The following DPP10 variants were observed in gnomAD, a reference collection of about 807,000 sequenced individuals.
DPP10 encodes the protein inactive dipeptidyl peptidase 10.
Under a neutral mutation model 120.9 loss-of-function variants are expected in DPP10, and 33 were observed. That is an observed-to-expected ratio of 0.27 (90% CI 0.21 to 0.37). The LOEUF (loss-of-function observed/expected upper bound fraction) is 0.37. Ranked by LOEUF, DPP10 falls within the 10% of genes least tolerant of loss-of-function variation. The pLI is 1.00. For synonymous variants in DPP10, 337 were observed against 326.1 expected, an observed-to-expected ratio of 1.03 and a Z score of -0.36; for missense variants, 816 against 942.8, an observed-to-expected ratio of 0.87 and a Z score of 1.76.
intron 1 of DPP10, among the ~76,000 whole-genome samples, chr2:114,483,115 C>A (rs1276185672): frequency 6.6e-6 from 1 of 152,042 alleles, no homozygotes; most frequent in Admixed American, 6.6e-5. Flanking sequence ...TAAATGATAT[C>A]TTAACAGAAT....
At chr2:115,093,665 C>T (rs754090230) in intron 1 of DPP10, among the ~76,000 whole-genome samples, 23 of 151,956 alleles carry the variant, frequency 1.5e-4, no homozygotes, top group Non-Finnish European at 2.1e-4. Flanking sequence ...AGGTAAAAGA[C>T]AAGGCTGAAA....
intron 5 of DPP10, among the ~76,000 whole-genome samples, chr2:115,606,921 AT>A (rs2149237987): frequency 6.6e-6 from 1 of 152,308 alleles, no homozygotes; most frequent in East Asian, 1.9e-4. Context: ...GCGAGCTTTC[AT>A]TTTTCCTCTC....
At chr2:115,772,620 A>G (rs1319755774) in intron 13 of DPP10, among the ~76,000 whole-genome samples, 1 of 152,168 alleles carries the variant, frequency 6.6e-6, no homozygotes, top group Non-Finnish European at 1.5e-5. Context: ...TCATACACTG[A>G]TACAAAACCT....
At chr2:114,828,106 GAA>G (rs753497136) in intron 1 of DPP10, among the ~76,000 whole-genome samples, 4 of 151,850 alleles carry the variant, frequency 2.6e-5, no homozygotes, top group Non-Finnish European at 5.9e-5. Context: ...TACTATTTTT[GAA>G]AAGAGTGGCA....
chr2:115,375,378 C>T (rs1472395066), intron 3 of DPP10, among the ~76,000 whole-genome samples: 1 of 152,186 alleles, frequency 6.6e-6, no homozygotes, highest in South Asian at 2.1e-4. Flanking sequence ...CTCATTTCCA[C>T]CTGAGATGAC....
chr2:115,092,786 A>G (rs1282869738), intron 1 of DPP10, among the ~76,000 whole-genome samples: 3 of 152,180 alleles, frequency 2.0e-5, no homozygotes, highest in Non-Finnish European at 4.4e-5. Context: ...TTTTTAAGAG[A>G]AAAGCAAATA....
In DPP10 at chr2:115,683,064, G is replaced by C. The variant is rs149977825; in HGVS notation, c.442-6623G>C. Reference sequence around the variant, plus strand: ...TCAGTTTTGTTTTGCTTTTTAATTAGCAAGTTTATTTTTATGTTTTATAGA... The same window carrying C: ...TCAGTTTTGTTTTGCTTTTTAATTACCAAGTTTATTTTTATGTTTTATAGA... On this transcript the variant is annotated intron_variant, in intron 5 of 25. Coordinates refer to ENST00000410059, the MANE Select transcript of DPP10 (RefSeq NM_020868.6). Among the ~76,000 whole-genome samples, 731 of 151,908 alleles carry C rather than the reference G, an allele frequency of 4.8e-3. 8 individuals are homozygous for C. Among genetic ancestry groups the C allele is most frequent in the African/African-American group, 0.015 (641 of 41,486 alleles).
At chr2:114,947,386 T>A (rs1246968159) in intron 1 of DPP10, among the ~76,000 whole-genome samples, 6 of 151,950 alleles carry the variant, frequency 3.9e-5, no homozygotes, top group Non-Finnish European at 7.4e-5. Flanking sequence ...TCTTGGTGTT[T>A]TTTTTTTAAT....
chr2:115,509,472 A>G (rs769256810), intron 4 of DPP10, among the ~76,000 whole-genome samples: 3 of 152,036 alleles, frequency 2.0e-5, no homozygotes, highest in South Asian at 2.1e-4. Context: ...TTGGATGAAA[A>G]TATCTGTTAA....
chr2:114,870,087 C>A (rs1690563292), intron 1 of DPP10, among the ~76,000 whole-genome samples: 1 of 152,156 alleles, frequency 6.6e-6, no homozygotes, highest in Non-Finnish European at 1.5e-5. Context: ...GGTTCTCTCA[C>A]TATACTTGGG....
At chr2:115,827,419 T>TAA (rs1252858401) in intron 21 of DPP10, among the ~76,000 whole-genome samples, 6 of 133,436 alleles carry the variant, frequency 4.5e-5, no homozygotes, top group African/African-American at 1.8e-4. Flanking sequence ...TGTGTGTATA[T>TAA]ATATATATAT....
chr2:114,531,968 G>A lies in DPP10; in HGVS notation c.60+89130G>A, dbSNP rs570636607. On this transcript the variant is annotated intron_variant, in intron 1 of 25. Coordinates refer to ENST00000410059, the MANE Select transcript of DPP10 (RefSeq NM_020868.6). Reference sequence around the variant, plus strand: ...ATTGCCCTCCCCATTGTGGGTAGGCGTCATCTAATCCACTGAGGGGCGAAA... The same window carrying A: ...ATTGCCCTCCCCATTGTGGGTAGGCATCATCTAATCCACTGAGGGGCGAAA... Among the ~76,000 whole-genome samples the A allele has an allele frequency of 8.6e-5, 13 of 151,992 alleles. No homozygotes were observed. In the Middle Eastern group the frequency reaches 0.01, roughly 121 times the overall value.
intron 1 of DPP10, among the ~76,000 whole-genome samples, chr2:114,499,875 C>A (rs1169812343): frequency 6.6e-6 from 1 of 152,186 alleles, no homozygotes; most frequent in Admixed American, 6.5e-5. Flanking sequence ...TGAACCAATT[C>A]TCCACCCCTG....
chr2:115,320,330 C>T (rs2061998122), intron 2 of DPP10, among the ~76,000 whole-genome samples: 1 of 152,132 alleles, frequency 6.6e-6, no homozygotes, highest in Admixed American at 6.6e-5. Context: ...TGGAGAATTA[C>T]ATTTATTTAC....
chr2:115,342,158 C>G (rs1284981871), intron 2 of DPP10: 2 of 455,020 alleles, frequency 4.4e-6, no homozygotes, highest in South Asian at 1.6e-5. Flanking sequence ...TAAGCACTCT[C>G]TATCCTTATA....
chr2:115,822,726 A>G (rs531858799), intron 21 of DPP10, among the ~76,000 whole-genome samples: 2 of 152,052 alleles, frequency 1.3e-5, no homozygotes, highest in Non-Finnish European at 2.9e-5. Flanking sequence ...AAAATTATCA[A>G]TTTTCTATTA....
chr2:114,726,759 T>G (rs1574052284), intron 1 of DPP10, among the ~76,000 whole-genome samples: 1 of 152,212 alleles, frequency 6.6e-6, no homozygotes, highest in East Asian at 1.9e-4. Context: ...AGGCCACCTG[T>G]AGTTTGAATT....
intron 20 of DPP10, 86 bp downstream of exon 20, chr2:115,815,073 A>G: frequency 7.7e-7 from 1 of 1,304,068 alleles, no homozygotes. Flanking sequence ...CCCTGACTCA[A>G]GGCTTCTATT....
chr2:114,961,016 T>C (rs553238923), intron 1 of DPP10, among the ~76,000 whole-genome samples: 1 of 145,472 alleles, frequency 6.9e-6, no homozygotes, highest in Non-Finnish European at 1.5e-5. Flanking sequence ...GTAATAATTC[T>C]CTACATCTCT....
Sources: allele counts gnomAD v4.1 joint callset (sites outside exome capture counted in the v4.1 genomes callset), GRCh38; gene constraint gnomAD v4.1.1; transcripts MANE v1.5; gene names NCBI Gene and HGNC (gene_info 2026-07-23, HGNC 2026-07-21).